The following CAMTA1 variants were observed in gnomAD, a reference collection of about 807,000 sequenced individuals.
CAMTA1 encodes the protein calmodulin binding transcription activator 1.
CAMTA1 carries 27 observed loss-of-function variants against 170.9 expected under a neutral mutation model. The observed-to-expected ratio is 0.16, with a 90% CI of 0.12 to 0.22. The LOEUF is 0.22. Ranked by LOEUF, CAMTA1 falls within the 10% of genes least tolerant of loss-of-function variation. CAMTA1 has a pLI of 1.00. For missense variants in CAMTA1, 1,619 were observed against 2,217.2 expected, an observed-to-expected ratio of 0.73 and a Z score of 5.42; for synonymous variants, 833 against 891.5, an observed-to-expected ratio of 0.93 and a Z score of 1.17.
At chr1:6,891,445 GC>G (rs1674474295) in intron 3 of CAMTA1, among the ~76,000 whole-genome samples, 1 of 152,134 alleles carries the variant, frequency 6.6e-6, no homozygotes, top group Non-Finnish European at 1.5e-5. Flanking sequence ...GTTTTAGCTT[GC>G]CCTGTGTCTG....
Position 7,398,593 on chromosome 1 carries a change from C to A in CAMTA1, c.439-69237C>A, listed in dbSNP as rs184283448. On this transcript the variant is annotated intron_variant, in intron 5 of 22. Coordinates refer to ENST00000303635, the MANE Select transcript of CAMTA1 (RefSeq NM_015215.4). ...TATCTTTTACCTGGGAAACTTAATC[C>A]ATTTACATTGAATTTATTCCATAAG... Among the ~76,000 whole-genome samples the A allele has an allele frequency of 2.8e-4, 42 of 152,090 alleles. 1 individual carries two copies. In the East Asian group the frequency reaches 5.2e-3, roughly 19 times the overall value.
At chr1:7,436,462 G>A (rs1026906995) in intron 5 of CAMTA1, among the ~76,000 whole-genome samples, 1 of 152,192 alleles carries the variant, frequency 6.6e-6, no homozygotes, top group African/African-American at 2.4e-5. Context: ...GGTGCTCCCA[G>A]CTTCCTGCAG....
In CAMTA1 at chr1:7,224,960, C is replaced by T. The variant is rs1453122715; in HGVS notation, c.303-24531C>T. 6.6e-6 allele frequency among the ~76,000 whole-genome samples: 1 copy of T among 152,202 alleles called. No homozygotes were observed. Among genetic ancestry groups the T allele is most frequent in the Non-Finnish European group, 1.5e-5 (1 of 68,038 alleles). On this transcript the variant is annotated intron_variant, in intron 4 of 22. Transcript: ENST00000303635. This position sits in a 1 kb window ranked among gnomAD's most constrained non-coding sequence, Gnocchi z 5.2. Reference sequence around the variant, plus strand: ...ATGGCAGAAAGCGCCTTGACCCCATCGTCTAGTGTCTCCTTGACTGAGATG... The same window carrying T: ...ATGGCAGAAAGCGCCTTGACCCCATTGTCTAGTGTCTCCTTGACTGAGATG...
At chr1:7,197,482 T>C (rs944773183) in intron 4 of CAMTA1, among the ~76,000 whole-genome samples, 2 of 151,744 alleles carry the variant, frequency 1.3e-5, no homozygotes, top group Non-Finnish European at 2.9e-5. Flanking sequence ...GACCAGGACG[T>C]AGCATCATTT....
intron 5 of CAMTA1, among the ~76,000 whole-genome samples, chr1:7,295,783 C>A (rs2149523916): frequency 6.6e-6 from 1 of 152,312 alleles, no homozygotes; most frequent in Admixed American, 6.5e-5. Context: ...AAGAGGTGAT[C>A]AGTGCCACAG....
chr1:7,738,025 C>A lies in CAMTA1; in HGVS notation c.3725C>A (p.Ala1242Asp). The change falls in exon 16 of 23, where the codon GCT (alanine) becomes GAT (aspartate). Residue 1242 changes from alanine (A) to aspartate (D), a missense_variant. Ala to Asp is a moderately radical substitution (Grantham distance 126, BLOSUM62 -2). This residue lies in a region of CAMTA1 where 370 missense variants were observed against 429.4 expected (regional missense o/e 0.86). Coordinates refer to ENST00000303635, the MANE Select transcript of CAMTA1 (RefSeq NM_015215.4). The surrounding 1 kb of genome is among the most constrained non-coding windows in gnomAD (Gnocchi z 4.9). ...AGTGAGAGCCACAAAGATTATCCGG[C>A]TCCCAAAAAGCATAAATTGAACCCT... is the stretch of plus-strand genomic sequence containing the variant. ...YSSESHKDYPAPKKHKLNPEY... is the reference protein window; with the variant it reads ...YSSESHKDYPDPKKHKLNPEY... The A allele has an allele frequency of 6.2e-7, 1 of 1,614,104 alleles. No homozygotes were observed. Among genetic ancestry groups the A allele is most frequent in the Non-Finnish European group, 8.5e-7 (1 of 1,180,010 alleles).
rs1227260546 is a variant in CAMTA1, at chr1:7,014,937, G to A, written c.235-76367G>A. ...AGGAAGAGCTTCTTTCACATTCCCT[G>A]ACTCAAAAACCACAAGCTAAATGAT... On this transcript the variant is annotated intron_variant, in intron 3 of 22. Transcript: ENST00000303635. This position sits in a 1 kb window ranked among gnomAD's most constrained non-coding sequence, Gnocchi z 4.2. Among the ~76,000 whole-genome samples the A allele has an allele frequency of 6.6e-6, 1 of 152,092 alleles. No individual in the cohort carries two copies. Among genetic ancestry groups the A allele is most frequent in the Non-Finnish European group, 1.5e-5 (1 of 68,008 alleles).
At chr1:7,097,679 G>A (rs1212329197) in intron 4 of CAMTA1, among the ~76,000 whole-genome samples, 1 of 152,216 alleles carries the variant, frequency 6.6e-6, no homozygotes, top group African/African-American at 2.4e-5. Flanking sequence ...GAGCTGAAAA[G>A]AAATGCAATT....
rs1488284497 is a variant in CAMTA1 at position 7,333,468 on chromosome 1, C to A, written c.438+83842C>A. 6.6e-6 allele frequency among the ~76,000 whole-genome samples: 1 copy of A among 152,216 alleles called. No homozygotes were observed. Among genetic ancestry groups the A allele is most frequent in the Admixed American group, 6.5e-5 (1 of 15,284 alleles). ...CACCGTTCTCTCTGCTGTGAAATTC[C>A]CTTTGCACTGGGAGATTTCCCGGCA... On this transcript the variant is annotated intron_variant, in intron 5 of 22. Coordinates refer to ENST00000303635, the MANE Select transcript of CAMTA1 (RefSeq NM_015215.4). This position sits in a 1 kb window ranked among gnomAD's most constrained non-coding sequence, Gnocchi z 4.4.
At chr1:7,094,653 AGGCCCCG>A (rs1235290337) in intron 4 of CAMTA1, among the ~76,000 whole-genome samples, 6 of 152,056 alleles carry the variant, frequency 3.9e-5, no homozygotes, top group Non-Finnish European at 7.4e-5. Context: ...ATTACAGAGA[AGGCCCCG>A]GGAGCCCCAG....
At chr1:7,626,922 G>A (rs17031205) in intron 6 of CAMTA1, among the ~76,000 whole-genome samples, 32,928 of 152,014 alleles carry the variant, frequency 0.22, 4,960 homozygotes, top group African/African-American at 0.43. Context: ...AATACATAAA[G>A]CATCCAGGAA....
chr1:7,535,340 G>A (rs755784466), intron 6 of CAMTA1, among the ~76,000 whole-genome samples: 1 of 152,172 alleles, frequency 6.6e-6, no homozygotes, highest in African/African-American at 2.4e-5. Context: ...AGGGAGTGCC[G>A]CCCGCCTCCA....
chr1:7,533,294 C>G (rs2094512638), intron 6 of CAMTA1, among the ~76,000 whole-genome samples: 1 of 152,224 alleles, frequency 6.6e-6, no homozygotes, highest in Non-Finnish European at 1.5e-5. Context: ...GCTGTGCCCT[C>G]TGCAGGCAGC....
In CAMTA1 at chr1:6,976,769, C is replaced by G. The variant is rs538514722; in HGVS notation, c.235-114535C>G. On this transcript the variant is annotated intron_variant, in intron 3 of 22. Transcript: ENST00000303635. ...TAGCAAGCACAGGGTGATATGGTTT[C>G]GCTGTGTCCCCACCCAAATCTCATC... 3.3e-5 allele frequency among the ~76,000 whole-genome samples: 5 copies of G among 152,182 alleles called. No homozygotes were observed. In the East Asian group the frequency reaches 5.8e-4, roughly 18 times the overall value.
At chr1:7,702,390 G>A (rs2096451108) in intron 11 of CAMTA1, among the ~76,000 whole-genome samples, 1 of 152,178 alleles carries the variant, frequency 6.6e-6, no homozygotes, top group Admixed American at 6.5e-5. Flanking sequence ...ACCTGAGAGA[G>A]AAAAGACTGA....
Position 7,438,537 on chromosome 1 carries a change from A to G in CAMTA1, c.439-29293A>G, listed in dbSNP as rs60923919. ...ACCCTGAGGGCATCCCAGGGTCCCC[A>G]TCATCCACCACTGGCCCCTGTGTCC... On this transcript the variant is annotated intron_variant, in intron 5 of 22. Coordinates refer to ENST00000303635, the MANE Select transcript of CAMTA1 (RefSeq NM_015215.4). 9.1e-3 allele frequency among the ~76,000 whole-genome samples: 1,392 copies of G among 152,186 alleles called. 24 individuals carry two copies. Among genetic ancestry groups the G allele is most frequent in the African/African-American group, 0.032 (1,318 of 41,540 alleles).
At chr1:7,257,085 G>GA (rs1667523358) in intron 5 of CAMTA1, among the ~76,000 whole-genome samples, 2 of 151,456 alleles carry the variant, frequency 1.3e-5, no homozygotes, top group Non-Finnish European at 3.0e-5. Flanking sequence ...GCGGGGGCGG[G>GA]GGTTGGTTTT....
At chr1:7,713,522 C>T (rs1314637315) in intron 11 of CAMTA1, among the ~76,000 whole-genome samples, 1 of 151,988 alleles carries the variant, frequency 6.6e-6, no homozygotes, top group African/African-American at 2.4e-5. Context: ...CATCTGTTAG[C>T]ATATTAGGGT....
chr1:7,295,215 G>T (rs1309936476), intron 5 of CAMTA1, among the ~76,000 whole-genome samples: 3 of 152,158 alleles, frequency 2.0e-5, no homozygotes, highest in Non-Finnish European at 4.4e-5. Flanking sequence ...CTGGAACGGG[G>T]CAACACATGG....
Sources: allele counts gnomAD v4.1 joint callset (sites outside exome capture counted in the v4.1 genomes callset), GRCh38; gene constraint gnomAD v4.1.1; regional missense constraint gnomAD v4.1.1; non-coding constraint Gnocchi (gnomAD v3.1); transcripts MANE v1.5; gene names NCBI Gene and HGNC (gene_info 2026-07-23, HGNC 2026-07-21).